SESTD1: variants seen among roughly 807,000 people sequenced by gnomAD.
The protein encoded by SESTD1 is SEC14 domain and spectrin repeat-containing protein 1.
In SESTD1, 43 loss-of-function variants were observed where a neutral mutation model predicts 101.7. That is an observed-to-expected ratio of 0.42 (90% CI 0.33 to 0.55). The LOEUF (loss-of-function observed/expected upper bound fraction) is 0.55. Ranked by LOEUF, SESTD1 falls within the 20% of genes least tolerant of loss-of-function variation. SESTD1 has a pLI of 0.07. For missense variants in SESTD1, 647 were observed against 815.1 expected (o/e 0.79, Z 2.51); for synonymous variants, 283 against 286.8 (o/e 0.99, Z 0.13).
rs939723697 is a variant in SESTD1 at position 179,205,637 on chromosome 2, T to C, written c.-25-13771A>G. On this transcript the variant is annotated intron_variant, in intron 1 of 17. Transcript: ENST00000428443. ...CACTTTAGCATGGTAAAATGCTGGGTTTTAAAAAAATTAAACAGCTTTTAA... is the reference window on the plus strand; with the variant it reads ...CACTTTAGCATGGTAAAATGCTGGGCTTTAAAAAAATTAAACAGCTTTTAA... 1.4e-4 allele frequency among the ~76,000 whole-genome samples: 19 copies of C among 135,212 alleles called. 3 individuals carry two copies. The highest frequency in any genetic ancestry group is 4.2e-3 in the Middle Eastern group (1 of 238). The allele number at this position is 135,212 out of a possible 152,430, so 88.7% of individuals were successfully genotyped here.
In SESTD1 at chr2:179,132,551, C is replaced by T. The variant is rs1413644150; in HGVS notation, c.850-125G>A. ...TTAATGTAAATTATTTACATTCTAT[C>T]ACATAGGCAGTAAATGTTTCTTTTG... On this transcript the variant is annotated intron_variant, in intron 9 of 17. Coordinates refer to ENST00000428443, the MANE Select transcript of SESTD1 (RefSeq NM_178123.5). 5 of 1,054,470 alleles carry T rather than the reference C, an allele frequency of 4.7e-6. No homozygotes were observed. In the African/African-American group the frequency reaches 8.4e-5, roughly 18 times the overall value. 65.3% of individuals were successfully genotyped at this position (1,054,470 alleles called of 1,614,324 possible).
chr2:179,184,541 A>G (rs1041196248), intron 2 of SESTD1, among the ~76,000 whole-genome samples: 4 of 152,012 alleles, frequency 2.6e-5, no homozygotes, highest in African/African-American at 9.7e-5. Context: ...TTTTTTGTTC[A>G]GAATATGTGT....
chr2:179,188,232 T>C (rs2046264010), intron 2 of SESTD1, among the ~76,000 whole-genome samples: 2 of 152,098 alleles, frequency 1.3e-5, no homozygotes, highest in South Asian at 4.2e-4. Flanking sequence ...CCAACCATAC[T>C]CTCAGATCAC....
At chr2:179,168,705 C>T (rs979850903) in intron 5 of SESTD1, among the ~76,000 whole-genome samples, 33 of 151,990 alleles carry the variant, frequency 2.2e-4, no homozygotes, top group Admixed American at 2.0e-3. Context: ...CAAAAAGAAA[C>T]GAAGAATGCC....
chr2:179,246,384 C>T (rs76404043), intron 1 of SESTD1, among the ~76,000 whole-genome samples: 2,519 of 151,684 alleles, frequency 0.017, 26 homozygotes, highest in Non-Finnish European at 0.019. Context: ...TAAATGTGTA[C>T]GCACCAAATA....
chr2:179,169,022 G>A (rs1462268175), intron 5 of SESTD1, among the ~76,000 whole-genome samples: 1 of 151,962 alleles, frequency 6.6e-6, no homozygotes, highest in Non-Finnish European at 1.5e-5. Context: ...GGAGTGAGGT[G>A]TAATTATAAA....
rs1163467812 is a variant in SESTD1, at chr2:179,196,075, G to C, written c.-25-4209C>G. Among the ~76,000 whole-genome samples the C allele has an allele frequency of 3.3e-5, 5 of 152,192 alleles. No individual in the cohort carries two copies. In the South Asian group the frequency reaches 8.3e-4, roughly 25 times the overall value. On this transcript the variant is annotated intron_variant, in intron 1 of 17. Transcript: ENST00000428443. ...TCATCTCACCAGGGAAGGCCAGACA[G>C]TGGGCGCAGGTCAGTGGGTGCACGC...
chr2:179,174,599 CT>C (rs926863385), intron 4 of SESTD1: 22 of 370,892 alleles, frequency 5.9e-5, no homozygotes, highest in African/African-American at 1.9e-4. Flanking sequence ...GCTGGAAGCA[CT>C]TTTTTTTCAA....
At chr2:179,244,145 A>C (rs1378326510) in intron 1 of SESTD1, among the ~76,000 whole-genome samples, 3 of 151,672 alleles carry the variant, frequency 2.0e-5, no homozygotes, top group Non-Finnish European at 4.4e-5. Context: ...AAACTGAATG[A>C]ATTAATTAAT....
intron 5 of SESTD1, among the ~76,000 whole-genome samples, chr2:179,167,524 A>C (rs532204411): frequency 6.6e-6 from 1 of 152,342 alleles, no homozygotes; most frequent in East Asian, 1.9e-4. Context: ...GGTATCTAAG[A>C]AGTACAGAGA....
At chr2:179,124,768 A>G (rs2044831940) in intron 10 of SESTD1, among the ~76,000 whole-genome samples, 1 of 152,024 alleles carries the variant, frequency 6.6e-6, no homozygotes, top group Non-Finnish European at 1.5e-5. Context: ...CCTTGCTCTA[A>G]GTGAAACCTG....
intron 1 of SESTD1, among the ~76,000 whole-genome samples, chr2:179,233,869 T>A (rs1312633525): frequency 6.6e-6 from 1 of 152,194 alleles, no homozygotes; most frequent in African/African-American, 2.4e-5. Flanking sequence ...CCCTGGTGTG[T>A]GTGCATGTGT....
intron 6 of SESTD1, among the ~76,000 whole-genome samples, chr2:179,150,368 TAC>T (rs976559600): frequency 8.6e-5 from 13 of 151,962 alleles, no homozygotes; most frequent in South Asian, 4.2e-4. Context: ...AAAATCAAAT[TAC>T]ACAGAGTTGC....
intron 13 of SESTD1, 145 bp from the exon 14 acceptor site, chr2:179,117,758 G>A (rs936034596): frequency 7.1e-6 from 4 of 566,914 alleles, no homozygotes; most frequent in South Asian, 5.0e-5. Flanking sequence ...GTATTGATTT[G>A]TAAGAATTTT....
At position 179,221,503 on chromosome 2, in the gene SESTD1, C is replaced by T. The variant is rs150764886; in HGVS notation, c.-25-29637G>A. Among the ~76,000 whole-genome samples the T allele has an allele frequency of 9.3e-3, 1,405 of 151,810 alleles. 12 individuals are homozygous for T. Among genetic ancestry groups the T allele is most frequent in the Non-Finnish European group, 0.011 (735 of 67,914 alleles). ...AGGTGCATGCCTGTAACCCCAGCTA[C>T]TCGGGAGGCTGAGGCAGGAGAATCG... is the stretch of plus-strand genomic sequence containing the variant. On this transcript the variant is annotated intron_variant, in intron 1 of 17. Transcript: ENST00000428443.
chr2:179,243,931 T>C (rs112339873), intron 1 of SESTD1, among the ~76,000 whole-genome samples: 13,921 of 138,774 alleles, frequency 0.1, 2,116 homozygotes, highest in African/African-American at 0.37. Flanking sequence ...TAAAAATATA[T>C]ATATATGTGT....
chr2:179,263,860 A>G (rs923233030), intron 1 of SESTD1: 3 of 152,464 alleles, frequency 2.0e-5, no homozygotes, highest in Non-Finnish European at 4.4e-5. Flanking sequence ...GACTCTCCCA[A>G]ACGCTGGAGG....
intron 1 of SESTD1, among the ~76,000 whole-genome samples, chr2:179,245,061 T>A (rs2047209249): frequency 6.6e-6 from 1 of 152,150 alleles, no homozygotes; most frequent in African/African-American, 2.4e-5. Context: ...CAAAATAGAA[T>A]TCTAACATCG....
chr2:179,207,414 C>T (rs2046604365), intron 1 of SESTD1, among the ~76,000 whole-genome samples: 2 of 135,616 alleles, frequency 1.5e-5, no homozygotes, highest in African/African-American at 5.8e-5. Flanking sequence ...TCACTACCAG[C>T]ATAACCAGCA....
Sources: gnomAD v4.1 joint callset for allele counts (sites outside exome capture counted in the v4.1 genomes callset) on GRCh38, gnomAD v4.1.1 for gene constraint, MANE v1.5 for transcripts, NCBI Gene and HGNC (gene_info 2026-07-23, HGNC 2026-07-21) for gene names.